The following EPHA3 variants were observed in gnomAD, a reference collection of about 807,000 sequenced individuals.
The protein encoded by EPHA3 is EPH receptor A3, also known as ephrin type-A receptor 3.
A neutral mutation model predicts 107.1 loss-of-function variants in EPHA3; 42 were observed. The observed-to-expected ratio is 0.39, with a 90% CI of 0.31 to 0.51. EPHA3 has a LOEUF of 0.51. EPHA3 is among the 20% of genes least tolerant of loss of function. The probability of loss-of-function intolerance (pLI) is 0.78; values close to 1 mark genes in which losing one functional copy is unlikely to be tolerated. For missense variants in EPHA3, 1,183 were observed against 1,211.2 expected, an observed-to-expected ratio of 0.98 and a Z score of 0.35; for synonymous variants, 461 against 424.8, an observed-to-expected ratio of 1.09 and a Z score of -1.05.
chr3:89,312,626 G>A (rs1380003942), intron 3 of EPHA3, among the ~76,000 whole-genome samples: 1 of 151,734 alleles, frequency 6.6e-6, no homozygotes, highest in Non-Finnish European at 1.5e-5. Context: ...GTGCAGGTTT[G>A]TTACATAAGT....
At chr3:89,238,658 G>A (rs772640014) in intron 3 of EPHA3, among the ~76,000 whole-genome samples, 7 of 152,196 alleles carry the variant, frequency 4.6e-5, no homozygotes, top group Middle Eastern at 3.4e-3. Context: ...TGTAGGTTTC[G>A]GGAAACACTG....
intron 1 of EPHA3, among the ~76,000 whole-genome samples, chr3:89,114,253 C>A (rs543827723): frequency 6.6e-6 from 1 of 152,076 alleles, no homozygotes; most frequent in Non-Finnish European, 1.5e-5. Context: ...GTGTGTCATG[C>A]GAAATTTTAG....
intron 3 of EPHA3, among the ~76,000 whole-genome samples, chr3:89,288,220 A>G (rs1169365897): frequency 1.3e-5 from 2 of 152,102 alleles, no homozygotes; most frequent in Non-Finnish European, 2.9e-5. Flanking sequence ...TTGGATATTC[A>G]GGCTAGAGTA....
chr3:89,283,969 CAG>C lies in EPHA3; in HGVS notation c.815-56943_815-56942del, dbSNP rs545121072. On this transcript the variant is annotated intron_variant, in intron 3 of 16. Transcript: ENST00000336596. ...TTTAGTGGAATACTAAACATGAATA[CAG>C]AGACATTTGTGCAGTCACAAATGTT... 2.9e-4 allele frequency among the ~76,000 whole-genome samples: 44 copies of C among 152,082 alleles called. No individual in the cohort carries two copies. The South Asian group carries it at 8.1e-3, about 28-fold the overall frequency.
chr3:89,342,153 T>G (rs1707543616), intron 5 of EPHA3, 63 bp downstream of exon 5: 3 of 1,440,088 alleles, frequency 2.1e-6, no homozygotes, highest in Non-Finnish European at 2.8e-6. Flanking sequence ...GTTTTGACTC[T>G]GGGTGGAAAA....
chr3:89,253,410 T>G (rs867501696), intron 3 of EPHA3, among the ~76,000 whole-genome samples: 1 of 152,192 alleles, frequency 6.6e-6, no homozygotes, highest in Middle Eastern at 3.4e-3. Context: ...TACATGTTCT[T>G]TTACAATAAA....
At chr3:89,131,796 AGC>A (rs1251591381) in intron 2 of EPHA3, among the ~76,000 whole-genome samples, 5 of 152,224 alleles carry the variant, frequency 3.3e-5, no homozygotes, top group Non-Finnish European at 7.4e-5. Flanking sequence ...TTGATGTCTT[AGC>A]GGTGAACATG....
intron 16 of EPHA3, 107 bp from the exon 17 acceptor site, chr3:89,479,290 G>A (rs2107581204): frequency 2.4e-6 from 2 of 820,018 alleles, no homozygotes; most frequent in African/African-American, 1.7e-5. Flanking sequence ...CAGACAATTA[G>A]GTCCACAGTA....
chr3:89,307,435 G>C (rs1400774209), intron 3 of EPHA3, among the ~76,000 whole-genome samples: 3 of 152,158 alleles, frequency 2.0e-5, no homozygotes, highest in Non-Finnish European at 4.4e-5. Flanking sequence ...TATTCAGCTG[G>C]TAGCATTATT....
At chr3:89,466,766 T>C (rs1710285328) in intron 15 of EPHA3, among the ~76,000 whole-genome samples, 2 of 137,294 alleles carry the variant, frequency 1.5e-5, no homozygotes, top group African/African-American at 5.4e-5. Flanking sequence ...GTACCTCAGA[T>C]GGAAATGCAG....
At chr3:89,322,618 G>A (rs1160076927) in intron 3 of EPHA3, among the ~76,000 whole-genome samples, 1 of 152,110 alleles carries the variant, frequency 6.6e-6, no homozygotes, top group Non-Finnish European at 1.5e-5. Flanking sequence ...GCATGTGGCA[G>A]CCTAAGAAAT....
chr3:89,324,694 A>AT (rs1195087490), intron 3 of EPHA3, among the ~76,000 whole-genome samples: 3 of 151,830 alleles, frequency 2.0e-5, no homozygotes, highest in Admixed American at 6.6e-5. Flanking sequence ...ATGTCATCCT[A>AT]TTTTTTTATA....
At chr3:89,178,800 G>T (rs1353939327) in intron 2 of EPHA3, among the ~76,000 whole-genome samples, 4 of 151,640 alleles carry the variant, frequency 2.6e-5, no homozygotes, top group Non-Finnish European at 5.9e-5. Flanking sequence ...TTATTTTTAT[G>T]GGTAAAAGAA....
chr3:89,177,910 T>C (rs1705354072), intron 2 of EPHA3, among the ~76,000 whole-genome samples: 1 of 152,148 alleles, frequency 6.6e-6, no homozygotes, highest in Non-Finnish European at 1.5e-5. Flanking sequence ...GATTGATTGA[T>C]TTACTACACT....
intron 3 of EPHA3, among the ~76,000 whole-genome samples, chr3:89,316,029 T>C (rs1706890823): frequency 6.6e-6 from 1 of 151,824 alleles, no homozygotes. Context: ...TTTTAAATAC[T>C]TAATATAAAT....
intron 15 of EPHA3, among the ~76,000 whole-genome samples, chr3:89,460,893 G>A (rs1305178092): frequency 1.6e-5 from 2 of 122,000 alleles, no homozygotes; most frequent in South Asian, 2.4e-4. Flanking sequence ...AGTTACATAT[G>A]TATACATGTG....
At chr3:89,217,662 G>C (rs1030998042) in intron 3 of EPHA3, among the ~76,000 whole-genome samples, 2 of 152,118 alleles carry the variant, frequency 1.3e-5, no homozygotes, top group Non-Finnish European at 2.9e-5. Context: ...AGCAAGAATG[G>C]CTTCAAATAT....
intron 3 of EPHA3, among the ~76,000 whole-genome samples, chr3:89,229,517 T>C (rs2107221869): frequency 6.6e-6 from 1 of 151,406 alleles, no homozygotes; most frequent in South Asian, 2.1e-4. Context: ...ATAAAAATTT[T>C]ATTTTAATTA....
chr3:89,474,363 A>G (rs768784956), intron 16 of EPHA3, among the ~76,000 whole-genome samples: 1 of 152,216 alleles, frequency 6.6e-6, no homozygotes, highest in Admixed American at 6.5e-5. Context: ...AATCGACAGT[A>G]CACTTGGGTT....
Sources: allele counts gnomAD v4.1 joint callset (sites outside exome capture counted in the v4.1 genomes callset), GRCh38; gene constraint gnomAD v4.1.1; transcripts MANE v1.5; gene names NCBI Gene and HGNC (gene_info 2026-07-23, HGNC 2026-07-21).